The following CERCAM variants were observed in gnomAD, a reference collection of about 807,000 sequenced individuals.
CERCAM encodes cerebral endothelial cell adhesion molecule.
A neutral mutation model predicts 66.0 loss-of-function variants in CERCAM; 59 were observed. That is an observed-to-expected ratio of 0.89 (90% CI 0.73 to 1.11). The LOEUF (loss-of-function observed/expected upper bound fraction) is 1.11, where lower values mean the gene tolerates loss of function less well. Among genes scored for constraint, CERCAM ranks in the 50% most tolerant of loss-of-function variants. CERCAM has a pLI of 0.00. For missense variants in CERCAM, 840 were observed against 828.3 expected, an observed-to-expected ratio of 1.01 and a Z score of -0.17; for synonymous variants, 318 against 343.6, an observed-to-expected ratio of 0.93 and a Z score of 0.83.
intron 5 of CERCAM, among the ~76,000 whole-genome samples, chr9:128,426,918 C>A (rs1260683843): frequency 1.3e-5 from 2 of 152,098 alleles, no homozygotes; most frequent in Non-Finnish European, 1.5e-5. Flanking sequence ...GAAGGTGAAA[C>A]AATTGGAGGG....
intron 8 of CERCAM, 107 bp from the exon 9 acceptor site, chr9:128,431,064 T>C (rs1833962429): frequency 7.3e-7 from 1 of 1,367,710 alleles, no homozygotes; most frequent in Middle Eastern, 2.5e-4. Context: ...GCAGAAACCT[T>C]CTTCAAACCC....
chr9:128,429,005 T>C lies in CERCAM; in HGVS notation c.1039T>C (p.Ser347Pro). The stretch of plus-strand genomic sequence containing the variant: ...CGCCTCGCTCTGGGAGATGGAGATC[T>C]CTGGGAGGGTGGTGGACGCTGTGGA... ...MLASLWEMEI[S>P]GRVVDAVDGW... is the part of the protein sequence containing the mutation. Residue 347 changes from serine to proline, a missense_variant, in exon 8 of 13, where the codon TCT becomes CCT. Physicochemically the swap from Ser to Pro is moderately conservative, Grantham distance 74 (BLOSUM62 -1). Transcript: ENST00000372838. 2 of 1,610,614 alleles carry C rather than the reference T, an allele frequency of 1.2e-6. No individual in the cohort carries two copies. Among genetic ancestry groups the C allele is most frequent in the South Asian group, 2.2e-5 (2 of 90,642 alleles).
In CERCAM at chr9:128,421,051, C is replaced by A; in HGVS notation, c.174C>A (p.Tyr58Ter). The A allele has an allele frequency of 4.4e-6, 6 of 1,367,382 alleles. No homozygotes were observed. Among genetic ancestry groups the A allele is most frequent in the Non-Finnish European group, 4.7e-6 (5 of 1,058,622 alleles). 84.7% of individuals were successfully genotyped at this position (1,367,382 alleles called of 1,614,324 possible). Residue 58 changes from tyrosine (Y) to a stop codon, truncating the protein, a stop_gained, in exon 1 of 13, where the codon TAC becomes TAA. Transcript: ENST00000372838. LOFTEE classifies it high-confidence loss of function. ...TGGGCGCTCTGGAGCGGCTGGACTACCCCCGGGCCAGGATGGCCCTCTGGT... is the reference window on the plus strand; with the variant it reads ...TGGGCGCTCTGGAGCGGCTGGACTAACCCCGGGCCAGGATGGCCCTCTGGT... The part of the protein sequence containing the change: ...HYLGALERLD[Y>*]PRARMALWCA...
intron 6 of CERCAM, 91 bp downstream of exon 6, chr9:128,428,512 C>A: frequency 6.7e-7 from 1 of 1,495,982 alleles, no homozygotes. Flanking sequence ...ACGGAGCGGG[C>A]ATTGGCCTTG....
Position 128,423,364 on chromosome 9 carries a change from C to T in CERCAM, c.426+101C>T, listed in dbSNP as rs529605308. 1.8e-5 allele frequency: 18 copies of T among 985,864 alleles called. No individual in the cohort carries two copies. In the Admixed American group the frequency reaches 3.8e-4, roughly 21 times the overall value. 61.1% of individuals were successfully genotyped at this position (985,864 alleles called of 1,614,324 possible). On this transcript the variant is annotated intron_variant, in intron 3 of 12. Transcript: ENST00000372838. ...GGGTGCAGTGGCTCACGCCTATAAT[C>T]CTAGCACTTTGGGAGGCCAAGGCAG...
chr9:128,430,087 C>T (rs1833940362), intron 8 of CERCAM, among the ~76,000 whole-genome samples: 1 of 151,912 alleles, frequency 6.6e-6, no homozygotes, highest in Non-Finnish European at 1.5e-5. Context: ...CAGGCATGCA[C>T]CACCATGTCC....
chr9:128,432,021 G>T (rs1185846911), intron 9 of CERCAM: 1 of 152,368 alleles, frequency 6.6e-6, no homozygotes, highest in African/African-American at 2.4e-5. Context: ...AGCATTATGG[G>T]TTTTTGTTTT....
chr9:128,431,238 T>G lies in CERCAM; in HGVS notation c.1138T>G (p.Ser380Ala). Reference protein sequence around the residue: ...DLLPGYQDPYSGRTLTKGEVG... With the variant: ...DLLPGYQDPYAGRTLTKGEVG... ...GCTCCCGGGCTACCAGGACCCTTAC[T>G]CGGGCCGCACTCTGACCAAGGGCGA... The change falls in exon 9 of 13, where the codon TCG becomes GCG. Residue 380 changes from serine (S) to alanine (A), a missense_variant. Ser to Ala is a moderately conservative substitution (Grantham distance 99). Coordinates refer to ENST00000372838, the MANE Select transcript of CERCAM (RefSeq NM_016174.5). The G allele has an allele frequency of 6.2e-7, 1 of 1,614,020 alleles. No individual in the cohort carries two copies. Among genetic ancestry groups the G allele is most frequent in the Non-Finnish European group, 8.5e-7 (1 of 1,179,994 alleles).
chr9:128,423,941 G>A, intron 3 of CERCAM, 197 bp from the exon 4 acceptor site: 1 of 622,890 alleles, frequency 1.6e-6, no homozygotes, highest in Non-Finnish European at 2.8e-6. Flanking sequence ...TATAATCTCT[G>A]GACCCAGTCC....
chr9:128,430,038 A>G (rs1833939451), intron 8 of CERCAM, among the ~76,000 whole-genome samples: 2 of 151,906 alleles, frequency 1.3e-5, no homozygotes, highest in Non-Finnish European at 2.9e-5. Flanking sequence ...TCCTGGCCTC[A>G]AGTGACCGTC....
intron 1 of CERCAM, 88 bp downstream of exon 1, chr9:128,421,162 T>C: frequency 8.0e-7 from 1 of 1,254,504 alleles, no homozygotes; most frequent in Non-Finnish European, 1.0e-6. Flanking sequence ...GTCTGCTCGC[T>C]CCCTGCCCAG....
At chr9:128,427,174 G>A (rs564578584) in intron 5 of CERCAM, among the ~76,000 whole-genome samples, 32 of 151,862 alleles carry the variant, frequency 2.1e-4, no homozygotes, top group African/African-American at 7.7e-4. Flanking sequence ...GTGCAGTGGC[G>A]CGATTTTGGC....
chr9:128,434,469 G>T lies in CERCAM; in HGVS notation c.1391G>T (p.Gly464Val). ...GAGACGGCCGTGGAGGGGCTGCCGG[G>T]CCTGGTGGTGGCTGGGTACTCCTAC... The part of the protein sequence containing the change: ...EKETAVEGLP[G>V]LVVAGYSYWT... Residue 464 changes from glycine (G) to valine (V), a missense_variant, in exon 11 of 13, where the codon GGC becomes GTC. Physicochemically the swap from Gly to Val is moderately radical, Grantham distance 109. Coordinates refer to ENST00000372838, the MANE Select transcript of CERCAM (RefSeq NM_016174.5). The surrounding 1 kb of genome is among the most constrained non-coding windows in gnomAD (Gnocchi z 4.5). The T allele has an allele frequency of 6.2e-7, 1 of 1,614,012 alleles. No homozygotes were observed. Among genetic ancestry groups the T allele is most frequent in the Non-Finnish European group, 8.5e-7 (1 of 1,180,020 alleles).
At chr9:128,422,664 A>T in intron 1 of CERCAM, 1 of 556,402 alleles carries the variant, frequency 1.8e-6, no homozygotes, top group East Asian at 2.9e-5. Context: ...GAAAGATGGG[A>T]CTTGCCTGAG....
chr9:128,436,116 C>T (rs930890923), intron 12 of CERCAM, among the ~76,000 whole-genome samples: 3 of 152,282 alleles, frequency 2.0e-5, no homozygotes, highest in South Asian at 2.1e-4. Flanking sequence ...AGTGCAGTGG[C>T]GTGATTTTGG....
intron 1 of CERCAM, chr9:128,421,579 C>G: frequency 1.1e-6 from 1 of 952,318 alleles, no homozygotes; most frequent in Non-Finnish European, 1.3e-6. Flanking sequence ...CCCACCGCCC[C>G]CGTGCTGGGG....
intron 8 of CERCAM, 85 bp downstream of exon 8, chr9:128,429,121 G>A: frequency 9.9e-7 from 1 of 1,013,592 alleles, no homozygotes; most frequent in East Asian, 2.6e-5. Flanking sequence ...GGGAAAAGCA[G>A]ACAGGTTGAA....
In CERCAM at chr9:128,434,299, G is replaced by C. The variant is rs763904400; in HGVS notation, c.1331+70G>C. 2.0e-4 allele frequency: 328 copies of C among 1,604,920 alleles called. No homozygotes were observed. The highest frequency in any genetic ancestry group is 5.0e-4 in the Middle Eastern group (3 of 5,984). Reference sequence around the variant, plus strand: ...CCGGAGTCTGCCTTTTCCTGCTTGGGACCCTGGCCGGCCCATCCCCTGAGA... The same window carrying C: ...CCGGAGTCTGCCTTTTCCTGCTTGGCACCCTGGCCGGCCCATCCCCTGAGA... On this transcript the variant is annotated intron_variant, in intron 10 of 12. Coordinates refer to ENST00000372838, the MANE Select transcript of CERCAM (RefSeq NM_016174.5). The surrounding 1 kb of genome is among the most constrained non-coding windows in gnomAD (Gnocchi z 4.5).
At chr9:128,425,730 C>T (rs1007269091) in intron 5 of CERCAM, among the ~76,000 whole-genome samples, 2 of 151,210 alleles carry the variant, frequency 1.3e-5, no homozygotes, top group Non-Finnish European at 2.9e-5. Context: ...AGCCTCGTCT[C>T]GAACTCCTGA....
Sources: allele counts gnomAD v4.1 joint callset (sites outside exome capture counted in the v4.1 genomes callset), GRCh38; gene constraint gnomAD v4.1.1; non-coding constraint Gnocchi (gnomAD v3.1); transcripts MANE v1.5; gene names NCBI Gene and HGNC (gene_info 2026-07-23, HGNC 2026-07-21).